The following SPARCL1 variants were observed in gnomAD, a reference collection of about 807,000 sequenced individuals.
SPARCL1 encodes SPARC-like protein 1.
In SPARCL1, 52 loss-of-function variants were observed where a neutral mutation model predicts 67.1. The ratio of observed to expected loss-of-function variants is 0.78; its 90% CI spans 0.62 to 0.98. The LOEUF is 0.98. SPARCL1 is among the 50% of genes least tolerant of loss of function. SPARCL1 has a pLI of 0.00. For synonymous variants in SPARCL1, 226 were observed against 267.8 expected, an observed-to-expected ratio of 0.84 and a Z score of 1.52; for missense variants, 717 against 782.4, an observed-to-expected ratio of 0.92 and a Z score of 1.00.
chr4:87,524,865 T>G (rs972735389), intron 1 of SPARCL1, among the ~76,000 whole-genome samples: 3 of 152,166 alleles, frequency 2.0e-5, no homozygotes, highest in African/African-American at 7.2e-5. Context: ...TTATTTTAGT[T>G]AATCATACAA....
intron 10 of SPARCL1, among the ~76,000 whole-genome samples, chr4:87,476,555 T>C (rs899645378): frequency 6.6e-6 from 1 of 152,188 alleles, no homozygotes; most frequent in African/African-American, 2.4e-5. Flanking sequence ...ACTCTTAGGA[T>C]AATGTCTTTA....
chr4:87,493,669 A>G lies in SPARCL1; in HGVS notation c.1131T>C (p.Ile377=). ...AFLEAERAQS[I]AYHLKIEEQR... Reference sequence around the variant, plus strand: ...GCTCCTCAATTTTGAGGTGATAGGCAATGGATTGAGCTCTCTCGGCCTCCA... The same window carrying G: ...GCTCCTCAATTTTGAGGTGATAGGCGATGGATTGAGCTCTCTCGGCCTCCA... The change falls in exon 4 of 11, where the codon ATT becomes ATC. Residue 377 remains isoleucine (I), a synonymous_variant. Coordinates refer to ENST00000282470, the MANE Select transcript of SPARCL1 (RefSeq NM_004684.6). The G allele has an allele frequency of 1.9e-6, 3 of 1,614,150 alleles. No homozygotes were observed. Among genetic ancestry groups the G allele is most frequent in the Non-Finnish European group, 1.7e-6 (2 of 1,180,020 alleles).
At chr4:87,476,133 C>T (rs1723573681) in intron 10 of SPARCL1, among the ~76,000 whole-genome samples, 1 of 152,086 alleles carries the variant, frequency 6.6e-6, no homozygotes, top group Admixed American at 6.5e-5. Flanking sequence ...TTGTCATTTA[C>T]TCCAAATCCA....
rs143447267 is a variant in SPARCL1, at chr4:87,517,792, G to C, written c.-12+11253C>G. ...GCTTTCAGCTCTGTGAATGGACCAA[G>C]AATTATTTATTGGGGGGTAGTTCTC... On this transcript the variant is annotated intron_variant, in intron 1 of 10. Coordinates refer to ENST00000282470, the MANE Select transcript of SPARCL1 (RefSeq NM_004684.6). Among the ~76,000 whole-genome samples the C allele has an allele frequency of 2.8e-3, 419 of 152,290 alleles. 1 individual carries two copies. Among genetic ancestry groups the C allele is most frequent in the Non-Finnish European group, 4.7e-3 (321 of 68,028 alleles).
At chr4:87,475,527 A>T (rs1014446679) in intron 10 of SPARCL1, among the ~76,000 whole-genome samples, 5 of 152,144 alleles carry the variant, frequency 3.3e-5, no homozygotes, top group African/African-American at 4.8e-5. Context: ...GGGAGAATTA[A>T]TTCCCTTCCC....
chr4:87,522,060 G>A (rs886278109), intron 1 of SPARCL1, among the ~76,000 whole-genome samples: 2 of 152,082 alleles, frequency 1.3e-5, no homozygotes, highest in African/African-American at 2.4e-5. Flanking sequence ...TAACATATAC[G>A]TGCTGTTACC....
chr4:87,524,223 G>T (rs931554379), intron 1 of SPARCL1, among the ~76,000 whole-genome samples: 1 of 151,574 alleles, frequency 6.6e-6, no homozygotes, highest in East Asian at 1.9e-4. Context: ...AATGTAAAAA[G>T]TCACAATTCT....
intron 7 of SPARCL1, among the ~76,000 whole-genome samples, chr4:87,486,637 T>C (rs1724069325): frequency 6.6e-6 from 1 of 152,142 alleles, no homozygotes; most frequent in Non-Finnish European, 1.5e-5. Flanking sequence ...GTCTTGTTGA[T>C]CTGTCTAATT....
intron 10 of SPARCL1, among the ~76,000 whole-genome samples, chr4:87,474,359 C>A (rs890646787): frequency 3.3e-5 from 5 of 151,600 alleles, no homozygotes; most frequent in African/African-American, 1.2e-4. Context: ...TGCTAATAAT[C>A]TTTATCTAGC....
chr4:87,480,596 T>G, intron 8 of SPARCL1, 76 bp from the exon 9 acceptor site: 1 of 1,389,166 alleles, frequency 7.2e-7, no homozygotes. Flanking sequence ...TAAACTTTAC[T>G]TGAAGAGTGA....
At chr4:87,511,955 C>T in intron 1 of SPARCL1, among the ~76,000 whole-genome samples, 1 of 114,342 alleles carries the variant, frequency 8.7e-6, no homozygotes. Flanking sequence ...CTTTCCTTTC[C>T]TCTTTCTTTC....
chr4:87,488,372 T>C (rs2110221559), intron 7 of SPARCL1, among the ~76,000 whole-genome samples: 1 of 152,272 alleles, frequency 6.6e-6, no homozygotes, highest in East Asian at 1.9e-4. Flanking sequence ...TCTGCTGGAG[T>C]TCACTCAAGG....
intron 1 of SPARCL1, among the ~76,000 whole-genome samples, chr4:87,501,611 A>T (rs1160892809): frequency 4.6e-5 from 7 of 152,146 alleles, no homozygotes; most frequent in Admixed American, 3.9e-4. Context: ...GTTTTTATGA[A>T]CATAGTATTT....
intron 1 of SPARCL1, among the ~76,000 whole-genome samples, chr4:87,523,105 C>CA (rs1283433141): frequency 3.3e-5 from 5 of 152,014 alleles, no homozygotes; most frequent in African/African-American, 1.2e-4. Flanking sequence ...ACTAAAAGTA[C>CA]AAAAAATTAG....
intron 1 of SPARCL1, among the ~76,000 whole-genome samples, chr4:87,518,234 G>A (rs1725662928): frequency 6.6e-6 from 1 of 150,588 alleles, no homozygotes; most frequent in African/African-American, 2.5e-5. Flanking sequence ...TTCAAGCAAG[G>A]AAAAGACACA....
rs186253341 is a variant in SPARCL1 at position 87,482,915 on chromosome 4, T to C, written c.1532-355A>G. On this transcript the variant is annotated intron_variant, in intron 7 of 10. Transcript: ENST00000282470. ...TGTAGGTGGAGGGCACAAGTGCTAT[T>C]GAATAGAGAAAAAGGTAGCTATTAG... 3.9e-3 allele frequency among the ~76,000 whole-genome samples: 600 copies of C among 152,202 alleles called. 2 individuals are homozygous for C. The highest frequency in any genetic ancestry group is 0.014 in the African/African-American group (587 of 41,546).
intron 4 of SPARCL1, among the ~76,000 whole-genome samples, chr4:87,492,998 A>C (rs916381798): frequency 6.6e-6 from 1 of 152,240 alleles, no homozygotes; most frequent in African/African-American, 2.4e-5. Flanking sequence ...ACTCGAAAAC[A>C]ATATGGCATC....
chr4:87,505,991 T>C (rs1479162385), intron 1 of SPARCL1, among the ~76,000 whole-genome samples: 1 of 152,190 alleles, frequency 6.6e-6, no homozygotes, highest in Non-Finnish European at 1.5e-5. Flanking sequence ...TTCTTTGTTG[T>C]GGGGGGCTGT....
At chr4:87,482,115 T>C (rs989163920) in intron 8 of SPARCL1, among the ~76,000 whole-genome samples, 1 of 152,192 alleles carries the variant, frequency 6.6e-6, no homozygotes, top group Admixed American at 6.6e-5. Flanking sequence ...AAATAAGATG[T>C]TTGGACTGAC....
Sources: allele counts gnomAD v4.1 joint callset (sites outside exome capture counted in the v4.1 genomes callset), GRCh38; gene constraint gnomAD v4.1.1; transcripts MANE v1.5; gene names NCBI Gene and HGNC (gene_info 2026-07-23, HGNC 2026-07-21).